RYR1: variants seen among roughly 807,000 people sequenced by gnomAD.
RYR1 encodes the protein central core disease of muscle.
A neutral mutation model predicts 583.5 loss-of-function variants in RYR1; 342 were observed. That is an observed-to-expected ratio of 0.59 (90% CI 0.54 to 0.64). The LOEUF is 0.64. Ranked by LOEUF, RYR1 falls within the 30% of genes least tolerant of loss-of-function variation. RYR1 has a pLI of 0.00. For missense variants in RYR1, 6,032 were observed against 6,917.2 expected (o/e 0.87, Z 4.54); for synonymous variants, 2,791 against 2,822.5 (o/e 0.99, Z 0.35).
At position 38,572,173 on chromosome 19, in the gene RYR1, A is replaced by G; in HGVS notation, c.13901A>G (p.Glu4634Gly). ...GAGAACATGGTGTACTACTTCCTGGAGGAAAGCACAGGCTACATGGAACCC... is the reference window on the plus strand; with the variant it reads ...GAGAACATGGTGTACTACTTCCTGGGGGAAAGCACAGGCTACATGGAACCC... ...EDENMVYYFL[E>G]ESTGYMEPAL... is the part of the protein sequence containing the mutation. Residue 4634 changes from glutamate (E) to glycine (G), a missense_variant, in exon 95 of 106, where the codon GAG (glutamate) becomes GGG (glycine). Glu to Gly is a moderately conservative substitution (Grantham distance 98, BLOSUM62 -2). This residue lies in a region of RYR1 where 188 missense variants were observed against 215.6 expected (regional missense o/e 0.87). Coordinates refer to ENST00000359596, the MANE Select transcript of RYR1 (RefSeq NM_000540.3). 2 of 1,613,990 alleles carry G rather than the reference A, an allele frequency of 1.2e-6. No homozygotes were observed. Among genetic ancestry groups the G allele is most frequent in the Non-Finnish European group, 8.5e-7 (1 of 1,179,986 alleles).
In RYR1 at chr19:38,496,181, C is replaced by T. The variant is rs773232087; in HGVS notation, c.6549-34C>T. The stretch of plus-strand genomic sequence containing the variant: ...GCTATGGCCCTCTCCGGACCTGGGC[C>T]CCTGGTGACCCCGCACACTCTGCCC... On this transcript the variant is annotated intron_variant, in intron 39 of 105. Transcript: ENST00000359596. The surrounding 1 kb of genome is among the most constrained non-coding windows in gnomAD (Gnocchi z 4.8). 1 of 1,585,008 alleles carries T rather than the reference C, an allele frequency of 6.3e-7. No homozygotes were observed. Among genetic ancestry groups the T allele is most frequent in the South Asian group, 1.1e-5 (1 of 90,508 alleles).
chr19:38,475,256 A>G (rs943625367), intron 28 of RYR1, 62 bp from the exon 29 acceptor site: 10 of 1,548,888 alleles, frequency 6.5e-6, no homozygotes, highest in African/African-American at 1.4e-5. Context: ...GGGCATGAAT[A>G]TTGCGGTGGG....
rs1338427384 is a variant in RYR1 at position 38,452,830 on chromosome 19, G to A, written c.1256G>A (p.Ser419Asn). 6.3e-7 allele frequency: 1 copy of A among 1,594,882 alleles called. No individual in the cohort carries two copies. The highest frequency in any genetic ancestry group is 1.8e-5 in the Admixed American group (1 of 56,448). The change falls in exon 13 of 106, where the codon AGC becomes AAC. Residue 419 changes from serine (S) to asparagine (N), a missense_variant. Transcript: ENST00000359596. The part of the protein sequence containing the change: ...LYNQFIKSLD[S>N]FSGKPRGSGP... Reference sequence around the variant, plus strand: ...CGAGGTCCCTGTAGGAGCCTGGACAGCTTCAGCGGGAAGCCACGGGGCTCG... The same window carrying A: ...CGAGGTCCCTGTAGGAGCCTGGACAACTTCAGCGGGAAGCCACGGGGCTCG...
chr19:38,444,663 C>T lies in RYR1; in HGVS notation c.617C>T (p.Ser206Phe). The change falls in exon 7 of 106, where the codon TCC becomes TTC. Residue 206 changes from serine to phenylalanine, a missense_variant. Physicochemically the swap from Ser to Phe is radical, Grantham distance 155. This residue lies in a region of RYR1 where 338 missense variants were observed against 441.6 expected (regional missense o/e 0.77). Coordinates refer to ENST00000359596, the MANE Select transcript of RYR1 (RefSeq NM_000540.3). This position sits in a 1 kb window ranked among gnomAD's most constrained non-coding sequence, Gnocchi z 5.1. ...CTATGGAACATGAACCCCATCTGCT[C>T]CCGCTGCGAAGAGGGTGAGGGCCCC... ...QTLWNMNPIC[S>F]RCEEGFVTGG... is the part of the protein sequence containing the mutation. The T allele has an allele frequency of 6.2e-7, 1 of 1,613,532 alleles. No individual in the cohort carries two copies. Among genetic ancestry groups the T allele is most frequent in the Non-Finnish European group, 8.5e-7 (1 of 1,179,720 alleles).
chr19:38,507,690 T>G (rs1970536716), intron 57 of RYR1, 22 bp from the exon 58 acceptor site: 1 of 1,475,652 alleles, frequency 6.8e-7, no homozygotes, highest in African/African-American at 1.4e-5. Flanking sequence ...GGGCTGATCC[T>G]TCTCTCCACA....
chr19:38,469,483 G>A lies in RYR1; in HGVS notation c.3735G>A (p.Glu1245=), dbSNP rs1390798772. 2 of 1,614,182 alleles carry A rather than the reference G, an allele frequency of 1.2e-6. No homozygotes were observed. The highest frequency in any genetic ancestry group is 3.3e-5 in the Admixed American group (2 of 60,018). Residue 1245 remains glutamate (E), a synonymous_variant, in exon 27 of 106, where the codon GAG becomes GAA. Coordinates refer to ENST00000359596, the MANE Select transcript of RYR1 (RefSeq NM_000540.3). ...TWFSKGLPQF[E]PVPLEHPHYE... Reference sequence around the variant, plus strand: ...TCAGCAAAGGCCTGCCCCAGTTTGAGCCAGTGCCCCTTGAACACCCTCACT... The same window carrying A: ...TCAGCAAAGGCCTGCCCCAGTTTGAACCAGTGCCCCTTGAACACCCTCACT...
intron 83 of RYR1, among the ~76,000 whole-genome samples, chr19:38,537,281 C>T (rs1049120994): frequency 2.6e-5 from 4 of 152,152 alleles, no homozygotes; most frequent in African/African-American, 7.2e-5. Flanking sequence ...GGCCCATTTG[C>T]GGTCTAGCCT....
chr19:38,529,648 C>G (rs1971642244), intron 76 of RYR1, among the ~76,000 whole-genome samples: 3 of 152,120 alleles, frequency 2.0e-5, no homozygotes, highest in Middle Eastern at 3.2e-3. Flanking sequence ...CAAATAAAAT[C>G]AGTATATTAT....
intron 105 of RYR1, 101 bp downstream of exon 105, chr19:38,586,677 GT>G: frequency 8.4e-7 from 1 of 1,196,860 alleles, no homozygotes; most frequent in Non-Finnish European, 1.2e-6. Context: ...AATATCAAGG[GT>G]TAGGGCTGGG....
At chr19:38,466,465 A>G in intron 24 of RYR1, 67 bp downstream of exon 24, 1 of 1,294,932 alleles carries the variant, frequency 7.7e-7, no homozygotes, top group Non-Finnish European at 1.1e-6. Flanking sequence ...CCGATCCCTG[A>G]TCTCTGACCT....
intron 31 of RYR1, among the ~76,000 whole-genome samples, chr19:38,480,584 C>A (rs1968958705): frequency 6.6e-6 from 1 of 152,014 alleles, no homozygotes; most frequent in South Asian, 2.1e-4. Flanking sequence ...AACCACAATA[C>A]CACTATCACC....
intron 49 of RYR1, 77 bp downstream of exon 49, chr19:38,503,047 C>G (rs769489565): frequency 7.0e-7 from 1 of 1,437,132 alleles, no homozygotes; most frequent in Non-Finnish European, 9.6e-7. Context: ...CTGCGGGGCT[C>G]ATTTGTGTCG....
intron 90 of RYR1, among the ~76,000 whole-genome samples, chr19:38,562,766 G>A (rs1280292023): frequency 6.6e-6 from 1 of 152,110 alleles, no homozygotes; most frequent in Non-Finnish European, 1.5e-5. Flanking sequence ...TGCCCCGTGT[G>A]CCCACGTCCA....
At chr19:38,433,914 T>TG (rs1194857288) in intron 1 of RYR1, 40 bp downstream of exon 1, 1 of 1,572,096 alleles carries the variant, frequency 6.4e-7, no homozygotes, top group Non-Finnish European at 8.8e-7. Context: ...GGCTATCTCT[T>TG]GGGGCTCTCT....
rs941187889 is a variant in RYR1 at position 38,500,091 on chromosome 19, G to A, written c.7323+75G>A. 5 of 1,293,818 alleles carry A rather than the reference G, an allele frequency of 3.9e-6. No homozygotes were observed. Among genetic ancestry groups the A allele is most frequent in the Non-Finnish European group, 5.6e-6 (5 of 900,480 alleles). 80.1% of individuals were successfully genotyped at this position (1,293,818 alleles called of 1,614,324 possible). A position where few individuals can be genotyped will look rare whatever the true frequency, so the allele number is the denominator to read the frequency against. ...CTTTGAACGCCTCATGCAGGCACTC[G>A]GTGACACGGAGTGAGCTCCCATATG... On this transcript the variant is annotated intron_variant, in intron 45 of 105. Coordinates refer to ENST00000359596, the MANE Select transcript of RYR1 (RefSeq NM_000540.3). This position sits in a 1 kb window ranked among gnomAD's most constrained non-coding sequence, Gnocchi z 5.9.
At position 38,585,110 on chromosome 19, in the gene RYR1, G is replaced by C; in HGVS notation, c.14803+11G>C. ...TGGCCATCATCCAGGGTCAGTGCTGGGAGTGGGCGCTCAGGGCCCGGAGGC... is the reference window on the plus strand; with the variant it reads ...TGGCCATCATCCAGGGTCAGTGCTGCGAGTGGGCGCTCAGGGCCCGGAGGC... On this transcript the variant is annotated intron_variant, in intron 102 of 105. Coordinates refer to ENST00000359596, the MANE Select transcript of RYR1 (RefSeq NM_000540.3). The C allele has an allele frequency of 6.2e-7, 1 of 1,613,290 alleles. No homozygotes were observed. The highest frequency in any genetic ancestry group is 2.2e-5 in the East Asian group (1 of 44,826).
chr19:38,464,521 C>T (rs1221275199), intron 22 of RYR1, 118 bp from the exon 23 acceptor site: 9 of 771,884 alleles, frequency 1.2e-5, no homozygotes, highest in African/African-American at 3.4e-5. Flanking sequence ...AGGGCCAGAG[C>T]GCCCCAGGCA....
intron 34 of RYR1, among the ~76,000 whole-genome samples, chr19:38,488,906 G>C (rs1395720071): frequency 6.6e-6 from 1 of 152,248 alleles, no homozygotes. Context: ...TTAGGCTTGG[G>C]AGAAAGGACA....
chr19:38,551,025 CTTTTTTTTTTTTTTTTTTTTTTTTT>C (rs71165560), intron 89 of RYR1, among the ~76,000 whole-genome samples: 2 of 41,312 alleles, frequency 4.8e-5, no homozygotes, highest in Admixed American at 3.7e-4. Context: ...GGATTCACGG[CTTTTTTTTTTTTTTTTTTTTTTTTT>C]TTTTTTTTTT....
Sources: gnomAD v4.1 joint callset for allele counts (sites outside exome capture counted in the v4.1 genomes callset) on GRCh38, gnomAD v4.1.1 for gene constraint, gnomAD v4.1.1 regional missense constraint, Gnocchi (gnomAD v3.1) non-coding constraint, MANE v1.5 for transcripts, NCBI Gene and HGNC (gene_info 2026-07-23, HGNC 2026-07-21) for gene names.